NFIX: variants seen among roughly 807,000 people sequenced by gnomAD.
NFIX encodes the protein nuclear factor 1 X-type.
In NFIX, 2 loss-of-function variants were observed where a neutral mutation model predicts 53.3. The ratio of observed to expected loss-of-function variants is 0.04; its 90% confidence interval spans 0.02 to 0.12. NFIX has a LOEUF of 0.12. Among genes scored for constraint, NFIX ranks in the 10% least tolerant of loss-of-function variants. NFIX has a pLI of 1.00. For missense variants in NFIX, 310 were observed against 674.5 expected (o/e 0.46, Z 5.99); for synonymous variants, 244 against 289.0 (o/e 0.84, Z 1.58).
In NFIX at chr19:13,040,913, C is replaced by T. The variant is rs1164047610; in HGVS notation, c.559+15361C>T. Among the ~76,000 whole-genome samples the T allele has an allele frequency of 6.6e-6, 1 of 152,198 alleles. No individual in the cohort carries two copies. Among genetic ancestry groups the T allele is most frequent in the Non-Finnish European group, 1.5e-5 (1 of 68,042 alleles). On this transcript the variant is annotated intron_variant, in intron 2 of 10. Transcript: ENST00000592199. The surrounding 1 kb of genome is among the most constrained non-coding windows in gnomAD (Gnocchi z 4.2). ...ACTCCACTTTCTACCTTAAGACTCT[C>T]TAGATAGCTCCTTCCTCCTCTCTCA...
chr19:13,085,069 C>CAAAAA (rs555726363), intron 8 of NFIX, among the ~76,000 whole-genome samples: 1 of 54,944 alleles, frequency 1.8e-5, no homozygotes, highest in Non-Finnish European at 3.8e-5. Context: ...GACTCCATCT[C>CAAAAA]AAAAAAAAAA....
Position 12,996,396 on chromosome 19 carries a change from T to TG in NFIX, c.27+533dup, listed in dbSNP as rs1355610415. The stretch of plus-strand genomic sequence containing the variant: ...GGCCGGCGTGCGTGGCGGCGGCCCT[T>TG]GCGTGCGGCCGGGGTGCCTGGGGTG... On this transcript the variant is annotated intron_variant, in intron 1 of 10. Transcript: ENST00000592199. This position sits in a 1 kb window ranked among gnomAD's most constrained non-coding sequence, Gnocchi z 5.2. 2.6e-5 allele frequency among the ~76,000 whole-genome samples: 4 copies of TG among 151,720 alleles called. No individual in the cohort carries two copies. The highest frequency in any genetic ancestry group is 9.7e-5 in the African/African-American group (4 of 41,360).
chr19:13,056,422 G>A (rs758345515), intron 2 of NFIX, among the ~76,000 whole-genome samples: 5 of 152,200 alleles, frequency 3.3e-5, no homozygotes, highest in African/African-American at 4.8e-5. Context: ...CAGAGGGCTT[G>A]GAGAGGTGAG....
chr19:13,047,141 C>G (rs1457605989), intron 2 of NFIX, among the ~76,000 whole-genome samples: 2 of 152,096 alleles, frequency 1.3e-5, no homozygotes, highest in Non-Finnish European at 2.9e-5. Context: ...TTCTTGGGAT[C>G]AATATCAGTC....
rs1470523377 is a variant in NFIX, at chr19:13,019,722, TG to T, written c.28-5298del. ...TGAAAACTGTTGCTGGTTTTTTTTT[TG>T]TTTGTTTGTTTTTTTTTTTTTTTTA... On this transcript the variant is annotated intron_variant, in intron 1 of 10. Transcript: ENST00000592199. Among the ~76,000 whole-genome samples the T allele has an allele frequency of 5.2e-4, 73 of 141,176 alleles. No homozygotes were observed. The East Asian group carries it at 7.0e-3, about 14-fold the overall frequency. The allele number at this position is 141,176 out of a possible 152,430, so 92.6% of individuals were successfully genotyped here.
rs2012941728 is a variant in NFIX, at chr19:13,021,211, G to C, written c.28-3810G>C. Among the ~76,000 whole-genome samples the C allele has an allele frequency of 6.6e-6, 1 of 152,088 alleles. No individual in the cohort carries two copies. The highest frequency in any genetic ancestry group is 1.5e-5 in the Non-Finnish European group (1 of 68,018). On this transcript the variant is annotated intron_variant, in intron 1 of 10. Transcript: ENST00000592199. This position sits in a 1 kb window ranked among gnomAD's most constrained non-coding sequence, Gnocchi z 4.2. ...ATCTTTGGCTGATTGGACTGAAGCTGGTTATTAACATGATGTGAATTATTG... is the reference window on the plus strand; with the variant it reads ...ATCTTTGGCTGATTGGACTGAAGCTCGTTATTAACATGATGTGAATTATTG...
At chr19:13,079,306 T>C (rs1479310611) in intron 7 of NFIX, among the ~76,000 whole-genome samples, 4 of 152,160 alleles carry the variant, frequency 2.6e-5, no homozygotes, top group Non-Finnish European at 5.9e-5. Context: ...CCTGGGCTGC[T>C]CCCCAGGAAA....
rs1248555416 is a variant in NFIX, at chr19:13,051,243, A to G, written c.560-21804A>G. Among the ~76,000 whole-genome samples the G allele has an allele frequency of 6.6e-6, 1 of 152,166 alleles. No individual in the cohort carries two copies. The highest frequency in any genetic ancestry group is 6.5e-5 in the Admixed American group (1 of 15,280). On this transcript the variant is annotated intron_variant, in intron 2 of 10. Coordinates refer to ENST00000592199, the MANE Select transcript of NFIX (RefSeq NM_001365902.3). This position sits in a 1 kb window ranked among gnomAD's most constrained non-coding sequence, Gnocchi z 5.1. Reference sequence around the variant, plus strand: ...CCCACTCAGGGCCAGAGGGCTCTAAATGAGTCACTCAGCTCTGGCTTTGCC... The same window carrying G: ...CCCACTCAGGGCCAGAGGGCTCTAAGTGAGTCACTCAGCTCTGGCTTTGCC...
At position 13,089,434 on chromosome 19, in the gene NFIX, G is replaced by C. The variant is rs2018004462; in HGVS notation, c.1403-865G>C. 6.6e-6 allele frequency among the ~76,000 whole-genome samples: 1 copy of C among 152,312 alleles called. No homozygotes were observed. Among genetic ancestry groups the C allele is most frequent in the Admixed American group, 6.5e-5 (1 of 15,314 alleles). On this transcript the variant is annotated intron_variant, in intron 9 of 10. Transcript: ENST00000592199. The surrounding 1 kb of genome is among the most constrained non-coding windows in gnomAD (Gnocchi z 4.8). ...AACTCAGGGCTGTTGAGATCATTTT[G>C]TCTTTGGGCCCCAGGATGGCTGCTC...
intron 2 of NFIX, among the ~76,000 whole-genome samples, chr19:13,047,724 T>A (rs2015077059): frequency 6.6e-6 from 1 of 152,164 alleles, no homozygotes; most frequent in Admixed American, 6.5e-5. Flanking sequence ...CATCCCCACG[T>A]ACTTTGGGTC....
chr19:13,023,626 T>C (rs1426464345), intron 1 of NFIX, among the ~76,000 whole-genome samples: 2 of 148,386 alleles, frequency 1.3e-5, no homozygotes, highest in South Asian at 2.1e-4. Flanking sequence ...TTTTGCATTT[T>C]TTTCTTTTTT....
In NFIX at chr19:13,052,276, C is replaced by G. The variant is rs938282313; in HGVS notation, c.560-20771C>G. 9.9e-5 allele frequency among the ~76,000 whole-genome samples: 15 copies of G among 152,178 alleles called. No homozygotes were observed. The highest frequency in any genetic ancestry group is 6.3e-3 in the Middle Eastern group (2 of 316). On this transcript the variant is annotated intron_variant, in intron 2 of 10. Coordinates refer to ENST00000592199, the MANE Select transcript of NFIX (RefSeq NM_001365902.3). The surrounding 1 kb of genome is among the most constrained non-coding windows in gnomAD (Gnocchi z 5.2). Reference sequence around the variant, plus strand: ...CCCCTGCCTCTGCCAGCTGCTGCCTCTCTGAGATGTGCTCTTTTGTCTCCA... The same window carrying G: ...CCCCTGCCTCTGCCAGCTGCTGCCTGTCTGAGATGTGCTCTTTTGTCTCCA...
intron 1 of NFIX, among the ~76,000 whole-genome samples, chr19:13,020,557 C>A (rs138142145): frequency 6.6e-6 from 1 of 152,322 alleles, no homozygotes; most frequent in East Asian, 1.9e-4. Flanking sequence ...GCCTGAGAAT[C>A]TTCTGCCCAC....
At position 13,036,454 on chromosome 19, in the gene NFIX, C is replaced by T. The variant is rs561050618; in HGVS notation, c.559+10902C>T. 2.0e-4 allele frequency among the ~76,000 whole-genome samples: 30 copies of T among 152,110 alleles called. 1 individual carries two copies. The South Asian group carries it at 5.4e-3, about 27-fold the overall frequency. On this transcript the variant is annotated intron_variant, in intron 2 of 10. Coordinates refer to ENST00000592199, the MANE Select transcript of NFIX (RefSeq NM_001365902.3). The surrounding 1 kb of genome is among the most constrained non-coding windows in gnomAD (Gnocchi z 4.7). Reference sequence around the variant, plus strand: ...GAGAGGGAATCCAGAGAGGGCTTTGCGGTTGAGTCTGCCAGTCTGGAGAAG... The same window carrying T: ...GAGAGGGAATCCAGAGAGGGCTTTGTGGTTGAGTCTGCCAGTCTGGAGAAG...
At chr19:13,076,859 C>T (rs548776255) in intron 6 of NFIX, among the ~76,000 whole-genome samples, 104 of 152,240 alleles carry the variant, frequency 6.8e-4, no homozygotes, top group African/African-American at 2.5e-3. Context: ...GGAGGGCTCG[C>T]CTCCAGGCCT....
At chr19:13,086,844 T>C (rs1360635556) in intron 8 of NFIX, among the ~76,000 whole-genome samples, 3 of 152,202 alleles carry the variant, frequency 2.0e-5, no homozygotes, top group Non-Finnish European at 4.4e-5. Flanking sequence ...ATCGTCCAGC[T>C]GAAATCTGTG....
At chr19:13,041,449 A>G (rs958874501) in intron 2 of NFIX, among the ~76,000 whole-genome samples, 8 of 152,200 alleles carry the variant, frequency 5.3e-5, no homozygotes, top group African/African-American at 1.9e-4. Context: ...ATTCATGCAC[A>G]TATTTTATTT....
At chr19:13,091,530 C>T (rs1405955031) in intron 10 of NFIX, among the ~76,000 whole-genome samples, 2 of 152,004 alleles carry the variant, frequency 1.3e-5, no homozygotes, top group Non-Finnish European at 2.9e-5. Context: ...CCCAGAGTCA[C>T]GTCTGACCCG....
intron 2 of NFIX, among the ~76,000 whole-genome samples, chr19:13,055,383 C>T (rs1192581985): frequency 1.3e-5 from 2 of 152,206 alleles, no homozygotes; most frequent in African/African-American, 4.8e-5. Context: ...GAGGGTCCCC[C>T]GAGTCCTTCT....
Sources: gnomAD v4.1 joint callset for allele counts (sites outside exome capture counted in the v4.1 genomes callset) on GRCh38, gnomAD v4.1.1 for gene constraint, Gnocchi (gnomAD v3.1) non-coding constraint, MANE v1.5 for transcripts, NCBI Gene and HGNC (gene_info 2026-07-23, HGNC 2026-07-21) for gene names.